Variants in MEI4 observed in about 807,000 individuals in gnomAD.
MEI4 encodes the protein meiosis-specific protein MEI4.
Under a neutral mutation model 31.4 loss-of-function variants are expected in MEI4, and 27 were observed. That is an observed-to-expected ratio of 0.86 (90% CI 0.63 to 1.19). MEI4 has a LOEUF of 1.19. Among genes scored for constraint, MEI4 ranks in the 50% most tolerant of loss-of-function variants. The pLI, the probability that MEI4 is intolerant of heterozygous loss-of-function variation, is 0.00. For missense variants in MEI4, 329 were observed against 398.9 expected, an observed-to-expected ratio of 0.82 and a Z score of 1.49; for synonymous variants, 122 against 145.4, an observed-to-expected ratio of 0.84 and a Z score of 1.16.
At chr6:77,920,416 A>G (rs1766676630) in intron 4 of MEI4, among the ~76,000 whole-genome samples, 1 of 152,022 alleles carries the variant, frequency 6.6e-6, no homozygotes, top group Admixed American at 6.6e-5. Context: ...TTATCTCAAT[A>G]GATCCACCTC....
chr6:77,705,974 T>A lies in MEI4; in HGVS notation c.232+15071T>A, dbSNP rs118055971. Among the ~76,000 whole-genome samples, 128 of 152,290 alleles carry A rather than the reference T, an allele frequency of 8.4e-4. No individual in the cohort carries two copies. In the Middle Eastern group the frequency reaches 0.01, roughly 12 times the overall value. On this transcript the variant is annotated intron_variant, in intron 2 of 4. Coordinates refer to ENST00000684080, the MANE Select transcript of MEI4 (RefSeq NM_001322247.2). ...TTTGTGGACTCAGAAAATGACACCATAAAGTGTGGTGCTTTGGTATGCTGA... is the reference window on the plus strand; with the variant it reads ...TTTGTGGACTCAGAAAATGACACCAAAAAGTGTGGTGCTTTGGTATGCTGA...
chr6:77,668,955 C>G (rs1768687136), intron 1 of MEI4, among the ~76,000 whole-genome samples: 1 of 152,078 alleles, frequency 6.6e-6, no homozygotes, highest in South Asian at 2.1e-4. Context: ...ATAAATGTTA[C>G]TTTTTCCAGA....
intron 2 of MEI4, among the ~76,000 whole-genome samples, chr6:77,707,104 A>T (rs1303907320): frequency 6.9e-6 from 1 of 144,754 alleles, no homozygotes; most frequent in Non-Finnish European, 1.6e-5. Flanking sequence ...AGCTAAGGGA[A>T]AGTTTGGAAC....
At chr6:77,790,026 C>G (rs1768871968) in intron 3 of MEI4, among the ~76,000 whole-genome samples, 1 of 151,930 alleles carries the variant, frequency 6.6e-6, no homozygotes, top group Admixed American at 6.6e-5. Context: ...CAATGATAGA[C>G]TGGATTAAGA....
chr6:77,815,141 C>T (rs1398576), intron 3 of MEI4, among the ~76,000 whole-genome samples: 126,396 of 151,988 alleles, frequency 0.83, 53,051 homozygotes, highest in East Asian at 0.95. Flanking sequence ...GAAAGGGTGC[C>T]GAGTAGAGTG....
intron 2 of MEI4, among the ~76,000 whole-genome samples, chr6:77,715,561 A>G (rs1321004598): frequency 1.3e-5 from 2 of 152,188 alleles, no homozygotes; most frequent in Non-Finnish European, 2.9e-5. Flanking sequence ...CTTTTTCAGA[A>G]TTAGGCATAT....
intron 3 of MEI4, among the ~76,000 whole-genome samples, chr6:77,769,492 G>C (rs757237706): frequency 6.6e-6 from 1 of 152,260 alleles, no homozygotes; most frequent in Middle Eastern, 3.4e-3. Context: ...AGGGAACTTG[G>C]AGTGCATGGA....
intron 2 of MEI4, among the ~76,000 whole-genome samples, chr6:77,741,679 T>A (rs140461873): frequency 0.2 from 31,001 of 151,554 alleles, 3,507 homozygotes; most frequent in African/African-American, 0.3. Flanking sequence ...GCAGGTTAGT[T>A]ACATATGTAC....
chr6:77,781,938 C>A (rs187985868), intron 3 of MEI4, among the ~76,000 whole-genome samples: 1 of 152,248 alleles, frequency 6.6e-6, no homozygotes, highest in Non-Finnish European at 1.5e-5. Flanking sequence ...ACCATCTCTG[C>A]AATGGTTACC....
chr6:77,879,101 G>A (rs6920205), intron 4 of MEI4, among the ~76,000 whole-genome samples: 7,311 of 152,088 alleles, frequency 0.048, 440 homozygotes, highest in African/African-American at 0.14. Context: ...CTAAACATGA[G>A]TAACCTGAGA....
At chr6:77,803,633 C>T (rs139081802) in intron 3 of MEI4, among the ~76,000 whole-genome samples, 150 of 152,196 alleles carry the variant, frequency 9.9e-4, no homozygotes, top group African/African-American at 3.2e-3. Flanking sequence ...ATGATGGTGA[C>T]GTACAGATGG....
At position 77,923,798 on chromosome 6, in the gene MEI4, T is replaced by C. The variant is rs1302655774; in HGVS notation, c.*452T>C. The stretch of plus-strand genomic sequence containing the variant: ...GTCATAAATGCAATTTTTAAAACTT[T>C]TTCTTACATAGTTGAACTTATATCA... On this transcript the variant is annotated 3_prime_UTR_variant, in exon 5 of 5. Coordinates refer to ENST00000684080, the MANE Select transcript of MEI4 (RefSeq NM_001322247.2). 1 of 151,946 alleles carries C rather than the reference T, an allele frequency of 6.6e-6. No homozygotes were observed. The highest frequency in any genetic ancestry group is 1.5e-5 in the Non-Finnish European group (1 of 67,934). 9.4% of individuals were successfully genotyped at this position (151,946 alleles called of 1,614,324 possible). A position where few individuals can be genotyped will look rare whatever the true frequency, so the allele number is the denominator to read the frequency against.
intron 4 of MEI4, among the ~76,000 whole-genome samples, chr6:77,914,566 T>C (rs1166028820): frequency 6.6e-6 from 1 of 152,126 alleles, no homozygotes. Flanking sequence ...ATGGAAGAAA[T>C]GTTCTGTAAG....
At chr6:77,877,468 C>T (rs1771368932) in intron 4 of MEI4, among the ~76,000 whole-genome samples, 2 of 109,262 alleles carry the variant, frequency 1.8e-5, no homozygotes. Flanking sequence ...TTCCCTCAAG[C>T]ATCATCTAGC....
intron 3 of MEI4, among the ~76,000 whole-genome samples, chr6:77,812,509 G>A (rs1316267893): frequency 1.3e-5 from 2 of 152,102 alleles, no homozygotes; most frequent in Non-Finnish European, 2.9e-5. Flanking sequence ...GTGTTCTGTA[G>A]GGATTGTTTC....
At chr6:77,674,021 T>C (rs1768795525) in intron 1 of MEI4, among the ~76,000 whole-genome samples, 2 of 152,184 alleles carry the variant, frequency 1.3e-5, no homozygotes, top group Non-Finnish European at 2.9e-5. Flanking sequence ...CTTCTATATA[T>C]GTGGAAGAAA....
chr6:77,655,749 G>A (rs1768382459), intron 1 of MEI4, among the ~76,000 whole-genome samples: 1 of 152,054 alleles, frequency 6.6e-6, no homozygotes, highest in South Asian at 2.1e-4. Context: ...TTTTATTTAG[G>A]TTTCAGATTT....
intron 2 of MEI4, among the ~76,000 whole-genome samples, chr6:77,748,650 C>T (rs1414163293): frequency 6.6e-6 from 1 of 152,194 alleles, no homozygotes; most frequent in Non-Finnish European, 1.5e-5. Context: ...CATTAGACTC[C>T]TCATTATTTA....
rs1424842644 is a variant in MEI4 at position 77,924,286 on chromosome 6, A to T, written c.*940A>T. ...GATGGTGTTTCATAAGTTAATTAGC[A>T]TTCCTAAATGTCGTTGGCATTAAAA... On this transcript the variant is annotated 3_prime_UTR_variant, in exon 5 of 5. Coordinates refer to ENST00000684080, the MANE Select transcript of MEI4 (RefSeq NM_001322247.2). 1 of 151,906 alleles carries T rather than the reference A, an allele frequency of 6.6e-6. No individual in the cohort carries two copies. The highest frequency in any genetic ancestry group is 2.1e-4 in the South Asian group (1 of 4,836). 9.4% of individuals were successfully genotyped at this position (151,906 alleles called of 1,614,324 possible). A position where few individuals can be genotyped will look rare whatever the true frequency, so the allele number is the denominator to read the frequency against.
Sources: allele counts gnomAD v4.1 joint callset (sites outside exome capture counted in the v4.1 genomes callset), GRCh38; gene constraint gnomAD v4.1.1; transcripts MANE v1.5; gene names NCBI Gene and HGNC (gene_info 2026-07-23, HGNC 2026-07-21).